The following PGS1 variants were observed in gnomAD, a reference collection of about 807,000 sequenced individuals.
PGS1 encodes the protein phosphatidylglycerophosphate synthase 1, also known as CDP-diacylglycerol--glycerol-3-phosphate 3-phosphatidyltransferase, mitochondrial.
PGS1 carries 44 observed loss-of-function variants against 58.3 expected under a neutral mutation model. The ratio of observed to expected loss-of-function variants is 0.75; its 90% confidence interval spans 0.59 to 0.97. PGS1 has a LOEUF of 0.97. PGS1 is among the 50% of genes least tolerant of loss of function. The pLI, the probability that PGS1 is intolerant of heterozygous loss-of-function variation, is 0.00. For synonymous variants in PGS1, 330 were observed against 311.0 expected (o/e 1.06, Z -0.64); for missense variants, 684 against 731.1 (o/e 0.94, Z 0.74).
chr17:78,393,091 C>T (rs2082947455), intron 2 of PGS1, among the ~76,000 whole-genome samples: 1 of 145,424 alleles, frequency 6.9e-6, no homozygotes, highest in Non-Finnish European at 1.5e-5. Flanking sequence ...GATGGAGTCT[C>T]GCTCTGTCAC....
chr17:78,390,974 T>TCTG (rs2082782005), intron 1 of PGS1, among the ~76,000 whole-genome samples: 1 of 152,082 alleles, frequency 6.6e-6, no homozygotes, highest in African/African-American at 2.4e-5. Context: ...GGAGTCTTGC[T>TCTG]CTGTTGCCCA....
At chr17:78,390,159 G>C (rs189078279) in intron 1 of PGS1, among the ~76,000 whole-genome samples, 1 of 149,002 alleles carries the variant, frequency 6.7e-6, no homozygotes, top group African/African-American at 2.5e-5. Flanking sequence ...CCATTGTCCG[G>C]TGGTTTCTGC....
At chr17:78,423,840 G>A (rs2086214008) in intron 9 of PGS1, 6 of 1,585,298 alleles carry the variant, frequency 3.8e-6, no homozygotes, top group Non-Finnish European at 5.2e-6. Flanking sequence ...TAAGTCACAG[G>A]TGCACAGGTG....
intron 8 of PGS1, among the ~76,000 whole-genome samples, chr17:78,417,145 A>T (rs1206330156): frequency 1.3e-5 from 2 of 152,200 alleles, no homozygotes; most frequent in Admixed American, 1.3e-4. Context: ...ACTCCCTCGA[A>T]CAGCGTCGTA....
intron 7 of PGS1, among the ~76,000 whole-genome samples, chr17:78,413,595 C>T (rs752339480): frequency 1.3e-5 from 2 of 152,232 alleles, no homozygotes; most frequent in African/African-American, 2.4e-5. Context: ...CCCACTCACA[C>T]CTGCTCACAC....
At position 78,399,326 on chromosome 17, in the gene PGS1, C is replaced by T. The variant is rs756413382; in HGVS notation, c.512-22C>T. On this transcript the variant is annotated intron_variant, in intron 4 of 9. Coordinates refer to ENST00000262764, the MANE Select transcript of PGS1 (RefSeq NM_024419.5). ...CGCCTTCCTGTTGTGAGTCAGGTGC[C>T]GTTTTCTCTGTCCGTGTTCAGGCCG... 2.2e-5 allele frequency: 35 copies of T among 1,601,198 alleles called. No homozygotes were observed. In the Admixed American group the frequency reaches 2.3e-4, roughly 11 times the overall value.
chr17:78,416,843 T>G (rs2085235588), intron 8 of PGS1, among the ~76,000 whole-genome samples: 1 of 152,116 alleles, frequency 6.6e-6, no homozygotes, highest in Non-Finnish European at 1.5e-5. Flanking sequence ...CAGTGCCCGG[T>G]CCCTAGAGGC....
chr17:78,388,938 C>T (rs1167321129), intron 1 of PGS1, among the ~76,000 whole-genome samples: 2 of 151,730 alleles, frequency 1.3e-5, no homozygotes, highest in Non-Finnish European at 2.9e-5. Context: ...TTCATTTGTA[C>T]CCTCCATGGT....
intron 6 of PGS1, among the ~76,000 whole-genome samples, chr17:78,401,529 A>G (rs995528559): frequency 6.6e-6 from 1 of 152,178 alleles, no homozygotes; most frequent in African/African-American, 2.4e-5. Flanking sequence ...TGGCCTTTAG[A>G]GAGCTGCTGC....
intron 6 of PGS1, among the ~76,000 whole-genome samples, chr17:78,402,446 A>C: frequency 6.6e-6 from 1 of 151,370 alleles, no homozygotes; most frequent in South Asian, 2.1e-4. Context: ...ACACACACAT[A>C]TGTATGTATA....
intron 4 of PGS1, among the ~76,000 whole-genome samples, 173 bp downstream of exon 4, chr17:78,398,524 A>T (rs559553506): frequency 6.6e-6 from 1 of 152,264 alleles, no homozygotes; most frequent in South Asian, 2.1e-4. Context: ...TCAGCAAGTG[A>T]CTGAAAGCCC....
chr17:78,379,371 CT>C, intron 1 of PGS1, among the ~76,000 whole-genome samples: 1 of 152,258 alleles, frequency 6.6e-6, no homozygotes, highest in East Asian at 1.9e-4. Context: ...ACTCGAAACA[CT>C]TTTTACACAT....
chr17:78,407,374 A>G (rs1567983780), intron 7 of PGS1, among the ~76,000 whole-genome samples: 1 of 152,184 alleles, frequency 6.6e-6, no homozygotes, highest in Non-Finnish European at 1.5e-5. Flanking sequence ...CTTCAGGCCC[A>G]TCTTTTGATG....
At chr17:78,380,576 C>A (rs80101448) in intron 1 of PGS1, among the ~76,000 whole-genome samples, 7,996 of 152,210 alleles carry the variant, frequency 0.053, 662 homozygotes, top group African/African-American at 0.18. Flanking sequence ...TAACAAAAGA[C>A]CTGCTCATCT....
intron 1 of PGS1, among the ~76,000 whole-genome samples, chr17:78,384,243 C>A (rs566980718): frequency 6.6e-6 from 1 of 152,130 alleles, no homozygotes. Flanking sequence ...TTCAGCAGGC[C>A]GTTGGTCTTT....
chr17:78,400,969 C>A lies in PGS1; in HGVS notation c.880+114C>A. ...GGCATAGGGGACTTGGGTGGCAAGG[C>A]TTCATTCTGCTTTTGTCCTTGAAGC... On this transcript the variant is annotated intron_variant, in intron 6 of 9. Transcript: ENST00000262764. The surrounding 1 kb of genome is among the most constrained non-coding windows in gnomAD (Gnocchi z 4.4). The A allele has an allele frequency of 1.2e-6, 1 of 846,380 alleles. No individual in the cohort carries two copies. Among genetic ancestry groups the A allele is most frequent in the Non-Finnish European group, 1.8e-6 (1 of 558,882 alleles). 52.4% of individuals were successfully genotyped at this position (846,380 alleles called of 1,614,324 possible).
At chr17:78,398,899 A>G (rs1017435472) in intron 4 of PGS1, among the ~76,000 whole-genome samples, 2 of 152,176 alleles carry the variant, frequency 1.3e-5, no homozygotes, top group African/African-American at 4.8e-5. Context: ...AATCGGGTCA[A>G]AGCTCCTGAC....
intron 7 of PGS1, among the ~76,000 whole-genome samples, chr17:78,408,130 T>C (rs958374727): frequency 6.6e-6 from 1 of 152,240 alleles, no homozygotes; most frequent in African/African-American, 2.4e-5. Flanking sequence ...GTCTATCATG[T>C]ATCTCTATCA....
intron 7 of PGS1, among the ~76,000 whole-genome samples, chr17:78,413,520 C>T (rs2084906224): frequency 6.6e-6 from 1 of 152,188 alleles, no homozygotes. Flanking sequence ...TGCCCACAGC[C>T]ACTCGCTCTT....
Sources: allele counts gnomAD v4.1 joint callset (sites outside exome capture counted in the v4.1 genomes callset), GRCh38; gene constraint gnomAD v4.1.1; non-coding constraint Gnocchi (gnomAD v3.1); transcripts MANE v1.5; gene names NCBI Gene and HGNC (gene_info 2026-07-23, HGNC 2026-07-21).